MACF1: variants seen among roughly 807,000 people sequenced by gnomAD.
The protein encoded by MACF1 is microtubule actin crosslinking factor 1.
A neutral mutation model predicts 854.8 loss-of-function variants in MACF1; 193 were observed. That is an observed-to-expected ratio of 0.23 (90% CI 0.20 to 0.25). The LOEUF (loss-of-function observed/expected upper bound fraction) is 0.25. Among genes scored for constraint, MACF1 ranks in the 10% least tolerant of loss-of-function variants. MACF1 has a pLI of 1.00. For synonymous variants in MACF1, 3,185 were observed against 3,226.7 expected (o/e 0.99, Z 0.44); for missense variants, 7,722 against 8,929.1 (o/e 0.86, Z 5.45).
chr1:39,139,780 T>C (rs916113941), intron 2 of MACF1, among the ~76,000 whole-genome samples: 1 of 152,110 alleles, frequency 6.6e-6, no homozygotes, highest in Non-Finnish European at 1.5e-5. Context: ...TTAAAAGTAA[T>C]AGTAATAACT....
chr1:39,274,585 G>A (rs1537816), intron 6 of MACF1, among the ~76,000 whole-genome samples: 9,187 of 152,148 alleles, frequency 0.06, 360 homozygotes, highest in African/African-American at 0.11. Flanking sequence ...TTTGTATCTG[G>A]GACTTGAGCA....
intron 58 of MACF1, chr1:39,411,534 A>G (rs1026497120): frequency 1.2e-5 from 19 of 1,613,094 alleles, no homozygotes; most frequent in Non-Finnish European, 1.5e-5. Context: ...GTGTTCTTAC[A>G]GGTGAGGATA....
At chr1:39,331,066 G>A (rs1050092089) in intron 36 of MACF1, 137 bp from the exon 37 acceptor site, 8 of 1,269,418 alleles carry the variant, frequency 6.3e-6, no homozygotes, top group East Asian at 2.7e-5. Context: ...GATTATAGGC[G>A]TGAGCCACTG....
At position 39,295,125 on chromosome 1, in the gene MACF1, A is replaced by G. The variant is rs887126912; in HGVS notation, c.2234A>G (p.Asn745Ser). 3 of 1,613,904 alleles carry G rather than the reference A, an allele frequency of 1.9e-6. No homozygotes were observed. The highest frequency in any genetic ancestry group is 2.5e-6 in the Non-Finnish European group (3 of 1,179,954). Residue 745 changes from asparagine to serine, a missense_variant, in exon 19 of 101, where the codon AAC (asparagine) becomes AGC (serine). By Grantham distance (46) the Asn-to-Ser change is conservative (BLOSUM62 1). Coordinates refer to ENST00000564288, the MANE Select transcript of MACF1 (RefSeq NM_001394062.1). Reference sequence around the variant, plus strand: ...ACAGCAGAACTACTTTCACTTGAGAACCACCCAGCCAAGCAGACAGTGGAG... The same window carrying G: ...ACAGCAGAACTACTTTCACTTGAGAGCCACCCAGCCAAGCAGACAGTGGAG... ...QDTAELLSLE[N>S]HPAKQTVEAY...
intron 2 of MACF1, among the ~76,000 whole-genome samples, chr1:39,192,028 G>A (rs1644260272): frequency 6.6e-6 from 1 of 152,118 alleles, no homozygotes; most frequent in Admixed American, 6.6e-5. Flanking sequence ...GTGTATGCCT[G>A]TAATCCCAGC....
At chr1:39,171,873 G>A (rs1416739628) in intron 2 of MACF1, among the ~76,000 whole-genome samples, 2 of 152,158 alleles carry the variant, frequency 1.3e-5, no homozygotes, top group Admixed American at 6.5e-5. Flanking sequence ...TGATCCGCCC[G>A]CCTCAGCCTC....
chr1:39,335,076 G>A lies in MACF1; in HGVS notation c.8488G>A (p.Val2830Ile). 1 of 1,614,112 alleles carries A rather than the reference G, an allele frequency of 6.2e-7. No individual in the cohort carries two copies. Among genetic ancestry groups the A allele is most frequent in the Non-Finnish European group, 8.5e-7 (1 of 1,179,994 alleles). Residue 2830 changes from valine to isoleucine, a missense_variant, in exon 37 of 101, where the codon GTT (valine) becomes ATT (isoleucine). Val to Ile is a conservative substitution (Grantham distance 29). Transcript: ENST00000564288. ...TGCACAAGAAAAGGTTAAAGTGAGA[G>A]TTTCTGATGGGGAGCAGGCAAAAAA... is the stretch of plus-strand genomic sequence containing the variant. ...QSAQEKVKVR[V>I]SDGEQAKKSR...
At chr1:39,137,668 ATTTATTT>A (rs1643212463) in intron 2 of MACF1, among the ~76,000 whole-genome samples, 1 of 152,154 alleles carries the variant, frequency 6.6e-6, no homozygotes, top group Non-Finnish European at 1.5e-5. Context: ...GCCCCAATTT[ATTTATTT>A]TTTATTTTTT....
intron 2 of MACF1, among the ~76,000 whole-genome samples, chr1:39,199,134 C>T (rs140981755): frequency 0.016 from 2,455 of 151,772 alleles, 54 homozygotes; most frequent in African/African-American, 0.056. Flanking sequence ...TACAGGCGCC[C>T]ACCACCACGG....
chr1:39,197,992 G>C (rs1365027454), intron 2 of MACF1, among the ~76,000 whole-genome samples: 1 of 152,140 alleles, frequency 6.6e-6, no homozygotes, highest in Non-Finnish European at 1.5e-5. Flanking sequence ...GAGCCCAGGA[G>C]TTCGAGACCA....
At chr1:39,220,760 CAGGTGT>C (rs747547690) in intron 1 of MACF1, among the ~76,000 whole-genome samples, 60 of 152,250 alleles carry the variant, frequency 3.9e-4, no homozygotes, top group African/African-American at 1.4e-3. Flanking sequence ...TCTGGGATTA[CAGGTGT>C]GAGCCACTGC....
At position 39,316,418 on chromosome 1, in the gene MACF1, T is replaced by C. The variant is rs1323012116; in HGVS notation, c.3477T>C (p.Arg1159=). ...TAAAGACAGTTGATGTTATAGTACG[T>C]AGCATACAGGATGCTGAACTCTTGG... ...NKLKTVDVIV[R]SIQDAELLVK... The change falls in exon 28 of 101, where the codon CGT becomes CGC. Residue 1159 remains arginine, a synonymous_variant. Coordinates refer to ENST00000564288, the MANE Select transcript of MACF1 (RefSeq NM_001394062.1). 6.2e-7 allele frequency: 1 copy of C among 1,613,736 alleles called. No individual in the cohort carries two copies. The highest frequency in any genetic ancestry group is 8.5e-7 in the Non-Finnish European group (1 of 1,179,728).
At chr1:39,429,643 T>A (rs1015984751) in intron 64 of MACF1, among the ~76,000 whole-genome samples, 184 bp from the exon 65 acceptor site, 4 of 152,192 alleles carry the variant, frequency 2.6e-5, no homozygotes, top group Non-Finnish European at 5.9e-5. Context: ...AGAAGTGGCT[T>A]CTTTTATCCA....
chr1:39,268,222 T>G (rs1035198792), intron 6 of MACF1, among the ~76,000 whole-genome samples: 1 of 152,150 alleles, frequency 6.6e-6, no homozygotes, highest in Non-Finnish European at 1.5e-5. Context: ...TCCTCCTTCC[T>G]CCACGTTACC....
chr1:39,479,004 T>C (rs1206172496), intron 97 of MACF1, among the ~76,000 whole-genome samples: 1 of 152,236 alleles, frequency 6.6e-6, no homozygotes, highest in Non-Finnish European at 1.5e-5. Flanking sequence ...TTAACATTTT[T>C]GTTGGCTGTG....
At chr1:39,102,222 A>G (rs1403163570) in intron 2 of MACF1, among the ~76,000 whole-genome samples, 1 of 152,090 alleles carries the variant, frequency 6.6e-6, no homozygotes, top group East Asian at 1.9e-4. Flanking sequence ...AAAGAGAGAG[A>G]GAAAGAAAAG....
rs1448260753 is a variant in MACF1, at chr1:39,485,610, G to A, written c.22484G>A (p.Arg7495Gln). ...GCCGGGAGTCGAGCCAGCAGCCGGC[G>A]AGGAAGTGACGCTTCTGACTTTGAC... ...SRAGSRASSR[R>Q]GSDASDFDLL... Residue 7495 changes from arginine to glutamine, a missense_variant, in exon 101 of 101, where the codon CGA becomes CAA. Physicochemically the swap from Arg to Gln is conservative, Grantham distance 43. Coordinates refer to ENST00000564288, the MANE Select transcript of MACF1 (RefSeq NM_001394062.1). 14 of 1,614,026 alleles carry A rather than the reference G, an allele frequency of 8.7e-6. No homozygotes were observed. The highest frequency in any genetic ancestry group is 4.4e-5 in the South Asian group (4 of 91,084).
intron 2 of MACF1, chr1:39,121,061 A>T (rs1372391039): frequency 6.6e-6 from 1 of 152,300 alleles, no homozygotes; most frequent in East Asian, 1.9e-4. Context: ...CAAACTTCTT[A>T]AGAATAGAGG....
chr1:39,422,109 T>TA (rs896580572), intron 58 of MACF1, among the ~76,000 whole-genome samples: 2 of 151,924 alleles, frequency 1.3e-5, no homozygotes, highest in African/African-American at 4.8e-5. Context: ...CAACAGATTT[T>TA]AAAAAAAAGA....
Sources: gnomAD v4.1 joint callset for allele counts (sites outside exome capture counted in the v4.1 genomes callset) on GRCh38, gnomAD v4.1.1 for gene constraint, MANE v1.5 for transcripts, NCBI Gene and HGNC (gene_info 2026-07-23, HGNC 2026-07-21) for gene names.